TYW1: variants seen among roughly 807,000 people sequenced by gnomAD.
TYW1 encodes the protein S-adenosyl-L-methionine-dependent tRNA 4-demethylwyosine synthase TYW1.
A neutral mutation model predicts 96.2 loss-of-function variants in TYW1; 46 were observed. The observed-to-expected ratio is 0.48, with a 90% CI of 0.38 to 0.61. The LOEUF is 0.61. TYW1 is among the 20% of genes least tolerant of loss of function. The pLI, the probability that TYW1 is intolerant of heterozygous loss-of-function variation, is 0.00. For missense variants in TYW1, 684 were observed against 909.6 expected (o/e 0.75, Z 3.19); for synonymous variants, 274 against 323.0 (o/e 0.85, Z 1.63).
chr7:67,005,060 A>G (rs1472355275), intron 3 of TYW1, among the ~76,000 whole-genome samples: 2 of 152,052 alleles, frequency 1.3e-5, no homozygotes, highest in Non-Finnish European at 2.9e-5. Context: ...CCTGCTTGAA[A>G]TTTCTTTTCT....
At chr7:67,165,806 T>G (rs967826075) in intron 13 of TYW1, among the ~76,000 whole-genome samples, 7 of 152,096 alleles carry the variant, frequency 4.6e-5, no homozygotes, top group African/African-American at 1.7e-4. Flanking sequence ...GGCACACACC[T>G]CTAGTCCCAG....
At chr7:67,005,973 T>C (rs1308672577) in intron 3 of TYW1, among the ~76,000 whole-genome samples, 1 of 152,180 alleles carries the variant, frequency 6.6e-6, no homozygotes, top group Non-Finnish European at 1.5e-5. Flanking sequence ...TCCCAGTTCC[T>C]TTGGCTTTGG....
chr7:67,022,060 A>G (rs1794296879), intron 6 of TYW1, among the ~76,000 whole-genome samples: 2 of 152,074 alleles, frequency 1.3e-5, no homozygotes, highest in Admixed American at 1.3e-4. Flanking sequence ...ACAGGCATGC[A>G]CCATCATGCC....
Position 67,002,273 on chromosome 7 carries a change from C to T in TYW1, c.273+3319C>T, listed in dbSNP as rs2129237017. Among the ~76,000 whole-genome samples the T allele has an allele frequency of 2.0e-5, 3 of 151,394 alleles. 1 individual carries two copies. The South Asian group carries it at 6.3e-4, about 32-fold the overall frequency. ...CTTATGTTGCCCAGGCTGGTCTTGA[C>T]TCCTGGCCTCAAGAGATCCTTCTGT... On this transcript the variant is annotated intron_variant, in intron 3 of 15. Coordinates refer to ENST00000359626, the MANE Select transcript of TYW1 (RefSeq NM_018264.4).
chr7:67,146,209 A>G (rs534569180), intron 13 of TYW1, among the ~76,000 whole-genome samples: 4 of 152,162 alleles, frequency 2.6e-5, no homozygotes, highest in African/African-American at 9.6e-5. Context: ...ATCTTGCTCT[A>G]TTTCTTCATA....
intron 13 of TYW1, among the ~76,000 whole-genome samples, chr7:67,135,097 G>A (rs564578644): frequency 7.9e-5 from 12 of 151,996 alleles, no homozygotes; most frequent in Non-Finnish European, 1.6e-4. Flanking sequence ...CTCCAGCCTA[G>A]GTGACAGAGT....
At chr7:67,069,669 G>A (rs1031135109) in intron 10 of TYW1, among the ~76,000 whole-genome samples, 6 of 151,940 alleles carry the variant, frequency 3.9e-5, no homozygotes, top group African/African-American at 1.5e-4. Context: ...AGCCTGGGAG[G>A]TGGAGGGTGC....
intron 3 of TYW1, among the ~76,000 whole-genome samples, chr7:67,003,398 C>T (rs1337397760): frequency 6.6e-6 from 1 of 151,630 alleles, no homozygotes. Flanking sequence ...CACTGCTACT[C>T]CCCTGGTCCA....
chr7:67,191,995 G>A lies in TYW1; in HGVS notation c.1810-3175G>A, dbSNP rs149324666. ...GCTGCAATCTCCGCCTGCCGGGTTC[G>A]AGCTATTCTCCTGCCTCAGCCTCCC... On this transcript the variant is annotated intron_variant, in intron 14 of 15. Transcript: ENST00000359626. Among the ~76,000 whole-genome samples, 1,473 of 151,524 alleles carry A rather than the reference G, an allele frequency of 9.7e-3. 24 individuals are homozygous for A. The highest frequency in any genetic ancestry group is 0.033 in the African/African-American group (1,375 of 41,152).
chr7:67,080,138 A>G (rs1307709812), intron 10 of TYW1, among the ~76,000 whole-genome samples: 1 of 152,194 alleles, frequency 6.6e-6, no homozygotes, highest in Non-Finnish European at 1.5e-5. Context: ...TTTTCTGTCT[A>G]GGTGATCTGT....
chr7:67,141,636 A>G (rs1282755539), intron 13 of TYW1, among the ~76,000 whole-genome samples: 1 of 152,240 alleles, frequency 6.6e-6, no homozygotes. Context: ...CCAGGGCACC[A>G]TACTATAATA....
At chr7:67,029,414 T>TAC (rs1562973615) in intron 7 of TYW1, among the ~76,000 whole-genome samples, 1 of 138,404 alleles carries the variant, frequency 7.2e-6, no homozygotes, top group African/African-American at 2.7e-5. Flanking sequence ...TGTGTGTGTG[T>TAC]GTATATATAT....
chr7:67,095,462 C>T (rs1202835012), intron 11 of TYW1, among the ~76,000 whole-genome samples: 1 of 147,520 alleles, frequency 6.8e-6, no homozygotes, highest in Admixed American at 6.8e-5. Flanking sequence ...TGAGGCAGGC[C>T]AACATAGTGA....
At chr7:67,089,413 G>A (rs921612983) in intron 11 of TYW1, 34 of 1,252,382 alleles carry the variant, frequency 2.7e-5, no homozygotes, top group Middle Eastern at 2.4e-4. Context: ...GGTAAAGGTC[G>A]AAGCGCTGGG....
intron 13 of TYW1, among the ~76,000 whole-genome samples, chr7:67,134,703 A>G (rs965340246): frequency 6.6e-6 from 1 of 151,260 alleles, no homozygotes; most frequent in African/African-American, 2.4e-5. Context: ...CATTCTGCCA[A>G]GGGCTCCCAA....
intron 15 of TYW1, among the ~76,000 whole-genome samples, chr7:67,219,561 G>A (rs6952761): frequency 0.04 from 6,024 of 152,254 alleles, 330 homozygotes; most frequent in East Asian, 0.18. Context: ...TTTAATCTCC[G>A]TAATAGTTAT....
Position 67,200,413 on chromosome 7 carries a change from G to A in TYW1, c.1977+5076G>A, listed in dbSNP as rs1170468745. 5.3e-4 allele frequency among the ~76,000 whole-genome samples: 80 copies of A among 152,146 alleles called. 1 individual carries two copies. Among genetic ancestry groups the A allele is most frequent in the Admixed American group, 3.6e-3 (55 of 15,306 alleles). On this transcript the variant is annotated intron_variant, in intron 15 of 15. Transcript: ENST00000359626. Reference sequence around the variant, plus strand: ...GCTGGGGAGGCCTCACAATAATGGTGGAAGGCACCTCTTACATGGTGTTAG... The same window carrying A: ...GCTGGGGAGGCCTCACAATAATGGTAGAAGGCACCTCTTACATGGTGTTAG...
intron 13 of TYW1, among the ~76,000 whole-genome samples, chr7:67,148,372 T>C (rs552519844): frequency 1.3e-4 from 19 of 150,142 alleles, no homozygotes; most frequent in African/African-American, 4.6e-4. Flanking sequence ...TTAACATGAG[T>C]CCGAGACTCC....
chr7:67,034,231 G>A lies in TYW1; in HGVS notation c.984+9209G>A, dbSNP rs191875714. ...CAATTCTCCTGCCTCAGCCTCCCGA[G>A]TAGCTGGGATTACAGATGTGTGCCA... On this transcript the variant is annotated intron_variant, in intron 7 of 15. Transcript: ENST00000359626. Among the ~76,000 whole-genome samples the A allele has an allele frequency of 3.9e-3, 585 of 151,802 alleles. 3 individuals are homozygous for A. Among genetic ancestry groups the A allele is most frequent in the African/African-American group, 0.013 (543 of 41,384 alleles).
Sources: gnomAD v4.1 joint callset for allele counts (sites outside exome capture counted in the v4.1 genomes callset) on GRCh38, gnomAD v4.1.1 for gene constraint, MANE v1.5 for transcripts, NCBI Gene and HGNC (gene_info 2026-07-23, HGNC 2026-07-21) for gene names.